Variants in NEDD4L observed in about 807,000 individuals in gnomAD.
NEDD4L encodes NEDD4 like E3 ubiquitin protein ligase, also known as E3 ubiquitin-protein ligase NEDD4-like.
NEDD4L carries 54 observed loss-of-function variants against 148.9 expected under a neutral mutation model. The observed-to-expected ratio is 0.36, with a 90% CI of 0.29 to 0.45. The LOEUF is 0.45. NEDD4L is among the 20% of genes least tolerant of loss of function. The pLI, the probability that NEDD4L is intolerant of heterozygous loss-of-function variation, is 1.00. For missense variants in NEDD4L, 856 were observed against 1,233.8 expected (o/e 0.69, Z 4.59); for synonymous variants, 433 against 440.7 (o/e 0.98, Z 0.22).
chr18:58,248,890 C>T lies in NEDD4L; in HGVS notation c.205-9C>T. On this transcript the variant is annotated splice_polypyrimidine_tract_variant and intron_variant, in intron 3 of 30. Transcript: ENST00000400345. ...ACTAAAAGATACTACAAGATAATTTCTCTTCCAGACACTGAACCCAAAATG... is the reference window on the plus strand; with the variant it reads ...ACTAAAAGATACTACAAGATAATTTTTCTTCCAGACACTGAACCCAAAATG... The T allele has an allele frequency of 1.4e-6, 2 of 1,445,402 alleles. No homozygotes were observed. Among genetic ancestry groups the T allele is most frequent in the African/African-American group, 1.4e-5 (1 of 71,160 alleles). 89.5% of individuals were successfully genotyped at this position (1,445,402 alleles called of 1,614,324 possible).
At chr18:58,211,642 A>G (rs929197122) in intron 2 of NEDD4L, among the ~76,000 whole-genome samples, 2 of 152,244 alleles carry the variant, frequency 1.3e-5, no homozygotes, top group Admixed American at 1.3e-4. Context: ...AAGTCTTTAT[A>G]GAAGAATAAA....
chr18:58,328,145 A>G (rs553982873), intron 9 of NEDD4L, among the ~76,000 whole-genome samples: 2 of 152,092 alleles, frequency 1.3e-5, no homozygotes, highest in South Asian at 4.2e-4. Context: ...TTGTGTTTTT[A>G]GTAGAGGCGG....
intron 2 of NEDD4L, among the ~76,000 whole-genome samples, chr18:58,228,133 T>A (rs1042601390): frequency 6.6e-5 from 10 of 152,212 alleles, no homozygotes; most frequent in African/African-American, 2.4e-4. Context: ...CTCAGTGCCC[T>A]GTAAAGCAAC....
At chr18:58,270,081 T>G (rs1407871483) in intron 5 of NEDD4L, among the ~76,000 whole-genome samples, 1 of 152,230 alleles carries the variant, frequency 6.6e-6, no homozygotes, top group Non-Finnish European at 1.5e-5. Flanking sequence ...TATCCTGTTA[T>G]GTCTTGTGTG....
At chr18:58,105,003 T>C (rs1624292) in intron 1 of NEDD4L, among the ~76,000 whole-genome samples, 38,573 of 151,940 alleles carry the variant, frequency 0.25, 5,191 homozygotes, top group African/African-American at 0.32. Context: ...GGGATATTAG[T>C]GGTGAAGTTG....
At chr18:58,273,098 G>T (rs2051313609) in intron 5 of NEDD4L, among the ~76,000 whole-genome samples, 1 of 152,194 alleles carries the variant, frequency 6.6e-6, no homozygotes, top group African/African-American at 2.4e-5. Context: ...GTCCTGCGCT[G>T]GGAAGAGAGT....
chr18:58,082,636 G>A (rs997173842), intron 1 of NEDD4L, among the ~76,000 whole-genome samples: 1 of 151,588 alleles, frequency 6.6e-6, no homozygotes, highest in African/African-American at 2.4e-5. Context: ...GTCGGGCATG[G>A]TGGTGCATAC....
At chr18:58,068,828 A>G (rs1309213689) in intron 1 of NEDD4L, among the ~76,000 whole-genome samples, 1 of 152,134 alleles carries the variant, frequency 6.6e-6, no homozygotes, top group African/African-American at 2.4e-5. Context: ...CAGGTCCTTC[A>G]TGCTCCTTTT....
Position 58,051,952 on chromosome 18 carries a change from C to A in NEDD4L, c.48+7244C>A, listed in dbSNP as rs867103176. 2.6e-5 allele frequency among the ~76,000 whole-genome samples: 4 copies of A among 152,202 alleles called. 1 individual carries two copies. The highest frequency in any genetic ancestry group is 4.2e-4 in the South Asian group (2 of 4,812). ...TCACAACTGTATTTCAAATGTATTTCATTTTCAGACTATAGGTGGCAATGT... is the reference window on the plus strand; with the variant it reads ...TCACAACTGTATTTCAAATGTATTTAATTTTCAGACTATAGGTGGCAATGT... On this transcript the variant is annotated intron_variant, in intron 1 of 30. Transcript: ENST00000400345.
At chr18:58,326,987 G>A (rs1033313642) in intron 9 of NEDD4L, among the ~76,000 whole-genome samples, 1 of 152,156 alleles carries the variant, frequency 6.6e-6, no homozygotes, top group South Asian at 2.1e-4. Flanking sequence ...GTGTTGATTA[G>A]ACCTCAATAA....
At chr18:58,352,145 A>G (rs1421496710) in intron 18 of NEDD4L, among the ~76,000 whole-genome samples, 1 of 152,210 alleles carries the variant, frequency 6.6e-6, no homozygotes, top group Non-Finnish European at 1.5e-5. Context: ...TTTAAACCAG[A>G]TATTTCAAGG....
At chr18:58,391,450 A>G (rs1208934339) in intron 29 of NEDD4L, 37 bp from the exon 30 acceptor site, 13 of 1,494,262 alleles carry the variant, frequency 8.7e-6, no homozygotes, top group Non-Finnish European at 1.1e-5. Context: ...CTTCTGCCCC[A>G]AGCAATCTTA....
intron 2 of NEDD4L, among the ~76,000 whole-genome samples, chr18:58,192,955 A>G (rs1323467745): frequency 1.2e-4 from 18 of 152,206 alleles, no homozygotes; most frequent in Admixed American, 1.2e-3. Flanking sequence ...TTGATATCCT[A>G]GTTTGATGTG....
At chr18:58,387,597 C>A in intron 27 of NEDD4L, 99 bp downstream of exon 27, 1 of 1,267,728 alleles carries the variant, frequency 7.9e-7, no homozygotes, top group Non-Finnish European at 1.1e-6. Flanking sequence ...CCATAATGTC[C>A]TAGAGAGTAA....
intron 1 of NEDD4L, among the ~76,000 whole-genome samples, chr18:58,074,734 T>TA (rs375770880): frequency 2.0e-5 from 3 of 152,248 alleles, no homozygotes; most frequent in East Asian, 3.9e-4. Flanking sequence ...TTTTGAAGAA[T>TA]AAAACAGATT....
At chr18:58,385,135 A>G (rs1437163682) in intron 25 of NEDD4L, among the ~76,000 whole-genome samples, 2 of 152,244 alleles carry the variant, frequency 1.3e-5, no homozygotes, top group Non-Finnish European at 1.5e-5. Context: ...GTGGGTGTGT[A>G]TACGGGTGTG....
intron 13 of NEDD4L, among the ~76,000 whole-genome samples, chr18:58,339,876 C>T (rs1159431413): frequency 6.6e-6 from 1 of 152,138 alleles, no homozygotes; most frequent in Non-Finnish European, 1.5e-5. Context: ...GAAAAGGTGG[C>T]ATAAGCACAG....
chr18:58,245,397 TC>T (rs1466902223), intron 2 of NEDD4L, 29 bp from the exon 3 acceptor site: 1 of 1,067,546 alleles, frequency 9.4e-7, no homozygotes, highest in Non-Finnish European at 1.4e-6. Context: ...AAAAGTATAA[TC>T]CTATTAAATC....
At chr18:58,259,807 G>A (rs1331749644) in intron 5 of NEDD4L, among the ~76,000 whole-genome samples, 2 of 152,166 alleles carry the variant, frequency 1.3e-5, no homozygotes, top group Non-Finnish European at 2.9e-5. Flanking sequence ...AAGCTCTCTG[G>A]ACTTTCCTCT....
Sources: gnomAD v4.1 joint callset for allele counts (sites outside exome capture counted in the v4.1 genomes callset) on GRCh38, gnomAD v4.1.1 for gene constraint, MANE v1.5 for transcripts, NCBI Gene and HGNC (gene_info 2026-07-23, HGNC 2026-07-21) for gene names.